Variants in IRAG1 observed in about 807,000 individuals in gnomAD.
The protein encoded by IRAG1 is inositol 1,4,5-triphosphate receptor associated 1.
A neutral mutation model predicts 106.2 loss-of-function variants in IRAG1; 62 were observed. The ratio of observed to expected loss-of-function variants is 0.58; its 90% CI spans 0.48 to 0.72. The LOEUF (loss-of-function observed/expected upper bound fraction) is 0.72. Ranked by LOEUF, IRAG1 falls within the 30% of genes least tolerant of loss-of-function variation. IRAG1 has a pLI of 0.00. For missense variants in IRAG1, 1,064 were observed against 1,140.7 expected (o/e 0.93, Z 0.97); for synonymous variants, 462 against 443.9 (o/e 1.04, Z -0.51).
Position 10,633,281 on chromosome 11 carries a change from T to G in IRAG1, c.329+687A>C, listed in dbSNP as rs532538597. 1.3e-4 allele frequency among the ~76,000 whole-genome samples: 20 copies of G among 152,268 alleles called. No homozygotes were observed. In the South Asian group the frequency reaches 2.3e-3, roughly 17 times the overall value. Reference sequence around the variant, plus strand: ...TAGTAGAGACGTGGTTTCACTGTGTTAGCCAGGATGGTCTCGATCTCCTGA... The same window carrying G: ...TAGTAGAGACGTGGTTTCACTGTGTGAGCCAGGATGGTCTCGATCTCCTGA... On this transcript the variant is annotated intron_variant, in intron 3 of 20. Transcript: ENST00000423302.
intron 3 of IRAG1, among the ~76,000 whole-genome samples, chr11:10,632,839 C>T (rs1052327636): frequency 9.9e-5 from 15 of 152,190 alleles, no homozygotes; most frequent in Non-Finnish European, 1.8e-4. Context: ...GGAAAAAAGA[C>T]AAAAATATGG....
chr11:10,687,619 A>T (rs1861757727), intron 1 of IRAG1: 1 of 1,188,142 alleles, frequency 8.4e-7, no homozygotes, highest in South Asian at 1.5e-5. Flanking sequence ...GGTGTTATTT[A>T]TTGGGCCTCC....
intron 20 of IRAG1, among the ~76,000 whole-genome samples, chr11:10,577,036 G>A (rs576526948): frequency 4.6e-5 from 7 of 152,260 alleles, no homozygotes; most frequent in East Asian, 3.9e-4. Context: ...CCTCAGATGC[G>A]TAATTCATTG....
chr11:10,590,283 G>A (rs566279482), intron 18 of IRAG1, among the ~76,000 whole-genome samples: 1 of 152,292 alleles, frequency 6.6e-6, no homozygotes, highest in South Asian at 2.1e-4. Flanking sequence ...AAAAGACAGA[G>A]AGAGAGACCC....
At chr11:10,613,584 T>C (rs1448964644) in intron 10 of IRAG1, among the ~76,000 whole-genome samples, 2 of 152,240 alleles carry the variant, frequency 1.3e-5, no homozygotes, top group Non-Finnish European at 2.9e-5. Context: ...ATGAAATCTT[T>C]TTACATTTAA....
At position 10,576,001 on chromosome 11, in the gene IRAG1, C is replaced by T. The variant is rs1379804465; in HGVS notation, c.*331G>A. On this transcript the variant is annotated 3_prime_UTR_variant, in exon 21 of 21. Coordinates refer to ENST00000423302, the MANE Select transcript of IRAG1 (RefSeq NM_130385.4). ...ACCTCCTCCTCCCCCGTGCCCCGCTCCTTACCCCCAACCACCAGTGAAGGT... is the reference window on the plus strand; with the variant it reads ...ACCTCCTCCTCCCCCGTGCCCCGCTTCTTACCCCCAACCACCAGTGAAGGT... The T allele has an allele frequency of 7.0e-5, 22 of 315,518 alleles. No individual in the cohort carries two copies. Among genetic ancestry groups the T allele is most frequent in the Non-Finnish European group, 1.3e-4 (21 of 164,644 alleles). 19.5% of individuals were successfully genotyped at this position (315,518 alleles called of 1,614,324 possible).
chr11:10,619,673 C>G (rs1420226993), intron 10 of IRAG1, among the ~76,000 whole-genome samples: 1 of 152,158 alleles, frequency 6.6e-6, no homozygotes, highest in Non-Finnish European at 1.5e-5. Flanking sequence ...GGAATAAAGA[C>G]CAGTATCACA....
intron 9 of IRAG1, among the ~76,000 whole-genome samples, chr11:10,625,137 C>G (rs1297540970): frequency 1.3e-5 from 2 of 152,194 alleles, no homozygotes; most frequent in African/African-American, 4.8e-5. Context: ...GCACACAAAT[C>G]CCCTCAATTG....
intron 18 of IRAG1, among the ~76,000 whole-genome samples, chr11:10,587,283 A>G (rs1344763514): frequency 6.6e-6 from 1 of 152,228 alleles, no homozygotes; most frequent in African/African-American, 2.4e-5. Context: ...CCCACATGGT[A>G]AACAATATTT....
At chr11:10,585,059 G>A (rs80139259) in intron 18 of IRAG1, among the ~76,000 whole-genome samples, 2,032 of 152,186 alleles carry the variant, frequency 0.013, 52 homozygotes, top group African/African-American at 0.047. Context: ...CTAATTTAAG[G>A]TATGGTAAAT....
intron 1 of IRAG1, among the ~76,000 whole-genome samples, chr11:10,680,460 AGAAG>A (rs371519706): frequency 1.2e-3 from 172 of 146,796 alleles, no homozygotes; most frequent in South Asian, 8.0e-3. Flanking sequence ...GGAAAGAGAA[AGAAG>A]GAAGGAAGGA....
At chr11:10,652,597 T>A (rs902127760) in intron 1 of IRAG1, among the ~76,000 whole-genome samples, 1 of 152,194 alleles carries the variant, frequency 6.6e-6, no homozygotes, top group Non-Finnish European at 1.5e-5. Context: ...TGACCTCTGA[T>A]GTAGGCATTA....
At chr11:10,680,353 G>GAA (rs1454875297) in intron 1 of IRAG1, among the ~76,000 whole-genome samples, 1 of 84,892 alleles carries the variant, frequency 1.2e-5, no homozygotes, top group East Asian at 7.8e-4. Flanking sequence ...AGGAAAGAAA[G>GAA]AAAGAAAGAA....
Position 10,628,179 on chromosome 11 carries a change from G to T in IRAG1, c.653-154C>A, listed in dbSNP as rs958961929. 6.7e-5 allele frequency: 53 copies of T among 791,818 alleles called. No individual in the cohort carries two copies. The highest frequency in any genetic ancestry group is 1.0e-4 in the Non-Finnish European group (48 of 457,224). The allele number at this position is 791,818 out of a possible 1,614,324, so 49.0% of individuals were successfully genotyped here. On this transcript the variant is annotated intron_variant, in intron 6 of 20. Transcript: ENST00000423302. The surrounding 1 kb of genome is among the most constrained non-coding windows in gnomAD (Gnocchi z 4.1). ...TCCCGTGTGCCAGGTTCTCAGGTGG[G>T]CCCTCACAGAATGTTCACAGAGACC...
chr11:10,687,092 T>C (rs553316406), intron 1 of IRAG1, among the ~76,000 whole-genome samples: 3 of 152,110 alleles, frequency 2.0e-5, no homozygotes, highest in African/African-American at 7.2e-5. Context: ...GGAGAAAAGA[T>C]GAGGATTGAT....
At chr11:10,692,562 T>C (rs964033401) in intron 1 of IRAG1, among the ~76,000 whole-genome samples, 1 of 152,108 alleles carries the variant, frequency 6.6e-6, no homozygotes, top group African/African-American at 2.4e-5. Flanking sequence ...CCTGACTCCT[T>C]TGGACCCCCA....
intron 1 of IRAG1, among the ~76,000 whole-genome samples, chr11:10,680,545 G>GAA (rs1554935819): frequency 7.2e-6 from 1 of 138,910 alleles, no homozygotes; most frequent in South Asian, 2.3e-4. Flanking sequence ...GGAAGGGGAA[G>GAA]GGGAAGGGGA....
At chr11:10,604,346 T>C in intron 13 of IRAG1, 59 bp downstream of exon 13, 3 of 1,604,420 alleles carry the variant, frequency 1.9e-6, no homozygotes, top group South Asian at 1.1e-5. Flanking sequence ...TGACACCCTG[T>C]ATGGCCCTTG....
Position 10,631,885 on chromosome 11 carries a change from C to T in IRAG1, c.400+106G>A, listed in dbSNP as rs922865832. The T allele has an allele frequency of 9.9e-5, 86 of 870,076 alleles. 1 individual carries two copies. The highest frequency in any genetic ancestry group is 6.6e-4 in the Middle Eastern group (2 of 3,022). 53.9% of individuals were successfully genotyped at this position (870,076 alleles called of 1,614,324 possible). A position where few individuals can be genotyped will look rare whatever the true frequency, so the allele number is the denominator to read the frequency against. ...ATCTACCCTGTCCTGTTGGACTTAT[C>T]GGGAGGGAGCGCCTTAAAGAGCAGG... is the stretch of plus-strand genomic sequence containing the variant. On this transcript the variant is annotated intron_variant, in intron 4 of 20. Coordinates refer to ENST00000423302, the MANE Select transcript of IRAG1 (RefSeq NM_130385.4).
Sources: gnomAD v4.1 joint callset for allele counts (sites outside exome capture counted in the v4.1 genomes callset) on GRCh38, gnomAD v4.1.1 for gene constraint, Gnocchi (gnomAD v3.1) non-coding constraint, MANE v1.5 for transcripts, NCBI Gene and HGNC (gene_info 2026-07-23, HGNC 2026-07-21) for gene names.